The following ABCA3 variants were observed in gnomAD, a reference collection of about 807,000 sequenced individuals.
ABCA3 encodes ATP binding cassette subfamily A member 3, also known as phospholipid-transporting ATPase ABCA3.
A neutral mutation model predicts 172.8 loss-of-function variants in ABCA3; 88 were observed. The observed-to-expected ratio is 0.51, with a 90% confidence interval of 0.43 to 0.61. ABCA3 has a LOEUF of 0.61. ABCA3 is among the 20% of genes least tolerant of loss of function. The pLI is 0.00. For missense variants in ABCA3, 2,164 were observed against 2,301.0 expected (o/e 0.94, Z 1.22); for synonymous variants, 1,066 against 983.8 (o/e 1.08, Z -1.56).
At chr16:2,295,034 A>G (rs1353256241) in intron 18 of ABCA3, among the ~76,000 whole-genome samples, 2 of 152,170 alleles carry the variant, frequency 1.3e-5, no homozygotes, top group African/African-American at 4.8e-5. Context: ...TAAAATGGAA[A>G]AAAATCTGAC....
In ABCA3 at chr16:2,277,530, G is replaced by A; in HGVS notation, c.4983+67C>T. ...AAAGAGCCTGCAGTCACCACAGAGG[G>A]AGAGACCCCTGGAGGGACCTCCCCC... is the stretch of plus-strand genomic sequence containing the variant. On this transcript the variant is annotated intron_variant, in intron 32 of 32. Transcript: ENST00000301732. This position sits in a 1 kb window ranked among gnomAD's most constrained non-coding sequence, Gnocchi z 5.3. 1 of 1,532,454 alleles carries A rather than the reference G, an allele frequency of 6.5e-7. No individual in the cohort carries two copies. The highest frequency in any genetic ancestry group is 9.0e-7 in the Non-Finnish European group (1 of 1,112,858). 94.9% of individuals were successfully genotyped at this position (1,532,454 alleles called of 1,614,324 possible).
Position 2,287,030 on chromosome 16 carries a change from C to T in ABCA3, c.3005-63G>A. ...GGTGACACCTGGGCACCCCCTGCCA[C>T]CTGAGCATGGCTAATCAGGGACCCA... is the stretch of plus-strand genomic sequence containing the variant. On this transcript the variant is annotated intron_variant, in intron 21 of 32. Transcript: ENST00000301732. The surrounding 1 kb of genome is among the most constrained non-coding windows in gnomAD (Gnocchi z 4.1). The T allele has an allele frequency of 6.4e-7, 1 of 1,565,118 alleles. No individual in the cohort carries two copies.
rs2093651555 is a variant in ABCA3, at chr16:2,279,263, G to A, written c.4360-133C>T. 10 of 1,038,708 alleles carry A rather than the reference G, an allele frequency of 9.6e-6. No individual in the cohort carries two copies. The highest frequency in any genetic ancestry group is 1.4e-5 in the Non-Finnish European group (10 of 705,912). The allele number at this position is 1,038,708 out of a possible 1,614,324, so 64.3% of individuals were successfully genotyped here. On this transcript the variant is annotated intron_variant, in intron 28 of 32. Transcript: ENST00000301732. The surrounding 1 kb of genome is among the most constrained non-coding windows in gnomAD (Gnocchi z 4.4). ...GGTTCCTGCCAGTGTGTGTACACGG[G>A]GGCGCTGGAGCTATGCACAGGCCGT...
intron 8 of ABCA3, among the ~76,000 whole-genome samples, chr16:2,318,929 T>C (rs905098850): frequency 6.6e-6 from 1 of 152,112 alleles, no homozygotes; most frequent in African/African-American, 2.4e-5. Context: ...CCTATTTGTT[T>C]GATCTGTGTA....
Position 2,324,457 on chromosome 16 carries a change from C to A in ABCA3, c.394G>T (p.Ala132Ser), listed in dbSNP as rs1029885956. 1 of 1,609,178 alleles carries A rather than the reference C, an allele frequency of 6.2e-7. No individual in the cohort carries two copies. The highest frequency in any genetic ancestry group is 2.2e-5 in the East Asian group (1 of 44,844). Residue 132 changes from alanine to serine, a missense_variant, in exon 6 of 33, where the codon GCC (alanine) becomes TCC (serine). Physicochemically the swap from Ala to Ser is moderately conservative, Grantham distance 99. This residue lies in a region of ABCA3 where 1,343 missense variants were observed against 1,369.6 expected (regional missense o/e 0.98). Transcript: ENST00000301732. ...YDNCSSSVLA[A>S]VVFEHPFNHS... Reference sequence around the variant, plus strand: ...TTGAAGGGGTGCTCGAAGACCACGGCGGCCAGCACGCTGGACGAGCAGTTG... The same window carrying A: ...TTGAAGGGGTGCTCGAAGACCACGGAGGCCAGCACGCTGGACGAGCAGTTG...
intron 11 of ABCA3, among the ~76,000 whole-genome samples, chr16:2,306,631 A>G (rs2093698025): frequency 6.6e-6 from 1 of 152,232 alleles, no homozygotes; most frequent in African/African-American, 2.4e-5. Context: ...GGAGGGGCTC[A>G]GACCAGGTTT....
At chr16:2,319,483 T>TG (rs2093722177) in intron 8 of ABCA3, 98 bp downstream of exon 8, 2 of 819,292 alleles carry the variant, frequency 2.4e-6, no homozygotes, top group South Asian at 1.8e-5. Flanking sequence ...AGACTCCAAC[T>TG]CAAAAAAAAA....
rs200972628 is a variant in ABCA3, at chr16:2,281,431, T to G, written c.4114A>C (p.Ser1372Arg). The G allele has an allele frequency of 5.6e-6, 9 of 1,613,674 alleles. No individual in the cohort carries two copies. In the East Asian group the frequency reaches 1.6e-4, roughly 28 times the overall value. ...ADERTRILAP[S>R]PDSLLHTPLI... is the part of the protein sequence containing the mutation. ...GGTGTGTGGAGCAGGGAGTCCGGAC[T>G]GGGGGCCAGGATGCGGGTCCTCTCG... Residue 1372 changes from serine to arginine, a missense_variant, in exon 27 of 33, where the codon AGT becomes CGT. Ser to Arg is a moderately radical substitution (Grantham distance 110, BLOSUM62 -1). Transcript: ENST00000301732. This position sits in a 1 kb window ranked among gnomAD's most constrained non-coding sequence, Gnocchi z 4.7.
At position 2,287,046 on chromosome 16, in the gene ABCA3, C is replaced by G; in HGVS notation, c.3005-79G>C. On this transcript the variant is annotated intron_variant, in intron 21 of 32. Coordinates refer to ENST00000301732, the MANE Select transcript of ABCA3 (RefSeq NM_001089.3). This position sits in a 1 kb window ranked among gnomAD's most constrained non-coding sequence, Gnocchi z 4.1. ...CCCCTGCCACCTGAGCATGGCTAAT[C>G]AGGGACCCAATAGAGTGGTGCCAGC... is the stretch of plus-strand genomic sequence containing the variant. The G allele has an allele frequency of 6.6e-7, 1 of 1,515,588 alleles. No individual in the cohort carries two copies. The highest frequency in any genetic ancestry group is 9.0e-7 in the Non-Finnish European group (1 of 1,115,802). The allele number at this position is 1,515,588 out of a possible 1,614,324, so 93.9% of individuals were successfully genotyped here.
chr16:2,317,226 A>G lies in ABCA3; in HGVS notation c.1111+57T>C, dbSNP rs2093717343. ...CGATCACAGCCTCTGGGTTATTTCC[A>G]TGCAGATGGCCCTTGGCCCCTTGGC... On this transcript the variant is annotated intron_variant, in intron 10 of 32. Transcript: ENST00000301732. 7 of 1,609,756 alleles carry G rather than the reference A, an allele frequency of 4.3e-6. No individual in the cohort carries two copies. In the South Asian group the frequency reaches 5.5e-5, roughly 13 times the overall value.
Position 2,278,969 on chromosome 16 carries a change from A to C in ABCA3, c.4521T>G (p.His1507Gln). 3.7e-6 allele frequency: 6 copies of C among 1,613,604 alleles called. No homozygotes were observed. Among genetic ancestry groups the C allele is most frequent in the Non-Finnish European group, 5.1e-6 (6 of 1,180,038 alleles). The part of the protein sequence containing the change: ...NTLRGLLLEP[H>Q]ANKLVRTYSG... ...TGTACGTCCTGACCAGCTTGTTGGC[A>C]TGTGGCTCCAGCAGCAGGCCCCGCA... is the stretch of plus-strand genomic sequence containing the variant. The change falls in exon 29 of 33, where the codon CAT becomes CAG. Residue 1507 changes from histidine (H) to glutamine (Q), a missense_variant. By Grantham distance (24) the His-to-Gln change is conservative. Coordinates refer to ENST00000301732, the MANE Select transcript of ABCA3 (RefSeq NM_001089.3). The surrounding 1 kb of genome is among the most constrained non-coding windows in gnomAD (Gnocchi z 4.4).
At chr16:2,331,714 C>G (rs777423461) in intron 1 of ABCA3, among the ~76,000 whole-genome samples, 2 of 152,244 alleles carry the variant, frequency 1.3e-5, no homozygotes, top group African/African-American at 2.4e-5. Context: ...CTGCACTTGA[C>G]GCCGAGGCGG....
intron 20 of ABCA3, 98 bp from the exon 21 acceptor site, chr16:2,288,427 C>CT (rs1389796433): frequency 9.4e-6 from 13 of 1,378,780 alleles, no homozygotes; most frequent in African/African-American, 1.4e-5. Flanking sequence ...TGACGCCAGC[C>CT]TGGGGGCCTG....
At position 2,283,386 on chromosome 16, in the gene ABCA3, C is replaced by T. The variant is rs143391325; in HGVS notation, c.3863-28G>A. ...GTGGGGCGAGGGAGTCACTGTGCCC[C>T]GAGGCCTGGGGCACCCTCCTCCCCT... On this transcript the variant is annotated intron_variant, in intron 25 of 32. Coordinates refer to ENST00000301732, the MANE Select transcript of ABCA3 (RefSeq NM_001089.3). This position sits in a 1 kb window ranked among gnomAD's most constrained non-coding sequence, Gnocchi z 5.4. 11,497 of 1,608,040 alleles carry T rather than the reference C, an allele frequency of 7.1e-3. 64 individuals carry two copies. Among genetic ancestry groups the T allele is most frequent in the Non-Finnish European group, 7.7e-3 (9,054 of 1,177,194 alleles).
intron 1 of ABCA3, among the ~76,000 whole-genome samples, chr16:2,338,029 G>A (rs753685971): frequency 3.3e-5 from 5 of 152,178 alleles, no homozygotes; most frequent in Non-Finnish European, 7.3e-5. Flanking sequence ...AACCCTTGCC[G>A]TGGCTTCAGT....
In ABCA3 at chr16:2,319,625, T is replaced by C. The variant is rs1217583629; in HGVS notation, c.829A>G (p.Thr277Ala). Residue 277 changes from threonine (T) to alanine (A), a missense_variant, in exon 8 of 33, where the codon ACC becomes GCC. By Grantham distance (58) the Thr-to-Ala change is moderately conservative. Around this residue, in one of 3 missense-constraint regions of ABCA3, gnomAD observed 1,343 missense variants for 1,369.6 expected, o/e 0.98. Coordinates refer to ENST00000301732, the MANE Select transcript of ABCA3 (RefSeq NM_001089.3). ...LLLSFTYTAL[T>A]IARAVVQEKE... ...TCCTGCACGACAGCACGGGCAATGGTGAGCGCGGTGTAGGTGAAGCTGAGC... is the reference window on the plus strand; with the variant it reads ...TCCTGCACGACAGCACGGGCAATGGCGAGCGCGGTGTAGGTGAAGCTGAGC... The C allele has an allele frequency of 1.2e-6, 2 of 1,613,168 alleles. No homozygotes were observed. The highest frequency in any genetic ancestry group is 1.7e-6 in the Non-Finnish European group (2 of 1,179,988).
intron 10 of ABCA3, among the ~76,000 whole-genome samples, chr16:2,315,073 C>T (rs1201592815): frequency 6.6e-6 from 1 of 150,682 alleles, no homozygotes; most frequent in Non-Finnish European, 1.5e-5. Context: ...TTAGTAGAGA[C>T]GAGGTTTCAC....
rs367680713 is a variant in ABCA3, at chr16:2,288,326, C to T, written c.2704G>A (p.Ala902Thr). Residue 902 changes from alanine (A) to threonine (T), a missense_variant, in exon 21 of 33, where the codon GCC becomes ACC. Ala to Thr is a moderately conservative substitution (Grantham distance 58, BLOSUM62 0). Around this residue, in one of 3 missense-constraint regions of ABCA3, gnomAD observed 1,343 missense variants for 1,369.6 expected, o/e 0.98. Transcript: ENST00000301732. The part of the protein sequence containing the change: ...RTAVKLNTGL[A>T]LHCQQFWAMF... ...GCCCAGAATTGCTGGCAGTGCAGGG[C>T]GAGCTGCGGCAGAGGGGACGCAGGT... 2.7e-5 allele frequency: 42 copies of T among 1,551,450 alleles called. 1 individual carries two copies. The highest frequency in any genetic ancestry group is 1.8e-4 in the African/African-American group (13 of 73,744).
chr16:2,304,906 AC>A (rs1367976264), intron 11 of ABCA3, among the ~76,000 whole-genome samples: 2 of 151,358 alleles, frequency 1.3e-5, no homozygotes, highest in Admixed American at 1.3e-4. Flanking sequence ...CGATCTCCTG[AC>A]CTTGTGATTC....
Sources: allele counts gnomAD v4.1 joint callset (sites outside exome capture counted in the v4.1 genomes callset), GRCh38; gene constraint gnomAD v4.1.1; regional missense constraint gnomAD v4.1.1; non-coding constraint Gnocchi (gnomAD v3.1); transcripts MANE v1.5; gene names NCBI Gene and HGNC (gene_info 2026-07-23, HGNC 2026-07-21).